The following RNF157 variants were observed in gnomAD, a reference collection of about 807,000 sequenced individuals.
RNF157 encodes ring finger protein 157, also known as E3 ubiquitin ligase RNF157.
Under a neutral mutation model 88.3 loss-of-function variants are expected in RNF157, and 55 were observed. The ratio of observed to expected loss-of-function variants is 0.62; its 90% CI spans 0.50 to 0.78. RNF157 has a LOEUF of 0.78. Ranked by LOEUF, RNF157 falls within the 30% of genes least tolerant of loss-of-function variation. The pLI, the probability that RNF157 is intolerant of heterozygous loss-of-function variation, is 0.00. For synonymous variants in RNF157, 334 were observed against 341.2 expected (o/e 0.98, Z 0.23); for missense variants, 788 against 860.8 (o/e 0.92, Z 1.06).
At chr17:76,226,445 T>C in intron 1 of RNF157, 1 of 1,600,948 alleles carries the variant, frequency 6.2e-7, no homozygotes. Context: ...GGCAAAGAGA[T>C]TACAAGTGTC....
chr17:76,211,366 T>C (rs1343752457), intron 2 of RNF157, among the ~76,000 whole-genome samples: 1 of 152,242 alleles, frequency 6.6e-6, no homozygotes, highest in African/African-American at 2.4e-5. Flanking sequence ...TGAAGCAACC[T>C]GCCCTTGCCA....
rs529521731 is a variant in RNF157 at position 76,144,321 on chromosome 17, C to T, written c.*914G>A. 1.4e-4 allele frequency: 21 copies of T among 149,498 alleles called. No homozygotes were observed. The highest frequency in any genetic ancestry group is 6.6e-4 in the Admixed American group (10 of 15,126). 9.3% of individuals were successfully genotyped at this position (149,498 alleles called of 1,614,324 possible). A position where few individuals can be genotyped will look rare whatever the true frequency, so the allele number is the denominator to read the frequency against. On this transcript the variant is annotated 3_prime_UTR_variant, in exon 19 of 19. Transcript: ENST00000269391. ...GGGGGATTCTCAGATTCAAGGGCTC[C>T]TTCTTTTTTTTTTTTTTTCTCTGTC...
chr17:76,228,632 A>C (rs1366803118), intron 1 of RNF157, among the ~76,000 whole-genome samples: 1 of 152,166 alleles, frequency 6.6e-6, no homozygotes, highest in Non-Finnish European at 1.5e-5. Context: ...CTTACTAACC[A>C]GTCACTTGGG....
rs145150447 is a variant in RNF157, at chr17:76,173,781, C to A, written c.217G>T (p.Ala73Ser). 540 of 1,608,510 alleles carry A rather than the reference C, an allele frequency of 3.4e-4. 1 individual carries two copies. The East Asian group carries it at 8.2e-3, about 24-fold the overall frequency. Residue 73 changes from alanine to serine, a missense_variant, in exon 3 of 19, where the codon GCC (alanine) becomes TCC (serine). By Grantham distance (99) the Ala-to-Ser change is moderately conservative. Coordinates refer to ENST00000269391, the MANE Select transcript of RNF157 (RefSeq NM_052916.3). Reference protein sequence around the residue: ...LGNRPVVFPYAAPPPQEPVKT... With the variant: ...LGNRPVVFPYSAPPPQEPVKT... The stretch of plus-strand genomic sequence containing the variant: ...ACGGGTTCTTGGGGAGGTGGGGCGG[C>A]GTAAGGAAACTGTGTCAGAAACAAA...
Position 76,159,403 on chromosome 17 carries a change from CG to C in RNF157, c.1235del (p.Thr412ArgfsTer64). On this transcript the variant is annotated frameshift_variant, in exon 12 of 19. Transcript: ENST00000269391. LOFTEE classifies it high-confidence loss of function. ...CAGACAGGCGGTCAAGAGGCGAGAT[CG>C]TCCTGACGGGGGGCAGGTGGCCATC... is the stretch of plus-strand genomic sequence containing the variant. Reference protein sequence around the residue: ...GSDGHLPPVRTISPLDRLSDS... With the variant: ...GSDGHLPPVRXISPLDRLSDS... The C allele has an allele frequency of 6.2e-7, 1 of 1,613,236 alleles. No homozygotes were observed. The highest frequency in any genetic ancestry group is 8.5e-7 in the Non-Finnish European group (1 of 1,179,758).
At chr17:76,150,913 G>T (rs971066184) in intron 18 of RNF157, among the ~76,000 whole-genome samples, 1 of 152,188 alleles carries the variant, frequency 6.6e-6, no homozygotes, top group Non-Finnish European at 1.5e-5. Flanking sequence ...GAGTGAACAC[G>T]AACTTTCATA....
chr17:76,191,521 G>A (rs2069384902), intron 2 of RNF157, among the ~76,000 whole-genome samples: 1 of 148,488 alleles, frequency 6.7e-6, no homozygotes, highest in Admixed American at 6.9e-5. Context: ...AGAATTGCTT[G>A]AACCCGGAGG....
chr17:76,178,777 C>G (rs2069144198), intron 2 of RNF157, among the ~76,000 whole-genome samples: 1 of 152,134 alleles, frequency 6.6e-6, no homozygotes, highest in South Asian at 2.1e-4. Context: ...GGTTGAAAAA[C>G]TTCTCTAAAG....
chr17:76,162,872 CAAT>C (rs773581352), intron 8 of RNF157: 2 of 374,504 alleles, frequency 5.3e-6, no homozygotes, highest in African/African-American at 2.1e-5. Flanking sequence ...TTCACAAATA[CAAT>C]AATAATACTT....
intron 2 of RNF157, among the ~76,000 whole-genome samples, chr17:76,174,577 T>C (rs1418638673): frequency 2.0e-5 from 3 of 152,252 alleles, no homozygotes; most frequent in Non-Finnish European, 4.4e-5. Flanking sequence ...TCAAAATGTT[T>C]TAACATATAA....
intron 16 of RNF157, chr17:76,154,576 G>A: frequency 2.2e-6 from 1 of 458,778 alleles, no homozygotes; most frequent in Non-Finnish European, 3.9e-6. Flanking sequence ...GGTCTGTCAG[G>A]AACACCCTTG....
chr17:76,224,249 T>C (rs2070038652), intron 1 of RNF157, among the ~76,000 whole-genome samples: 2 of 152,344 alleles, frequency 1.3e-5, no homozygotes, highest in Non-Finnish European at 2.9e-5. Context: ...TTTTGGGACA[T>C]ATTCCTAATA....
At chr17:76,147,417 C>T in intron 18 of RNF157, 1 of 848,500 alleles carries the variant, frequency 1.2e-6, no homozygotes, top group Non-Finnish European at 1.4e-6. Flanking sequence ...CCGCCACCAC[C>T]AGCAAGCCAT....
At chr17:76,182,438 A>G (rs988179445) in intron 2 of RNF157, among the ~76,000 whole-genome samples, 2 of 143,184 alleles carry the variant, frequency 1.4e-5, no homozygotes, top group African/African-American at 5.4e-5. Context: ...ACATGGGCAC[A>G]CACGCATTTA....
intron 2 of RNF157, among the ~76,000 whole-genome samples, chr17:76,203,054 G>C (rs2069613532): frequency 6.6e-6 from 1 of 151,620 alleles, no homozygotes; most frequent in African/African-American, 2.4e-5. Flanking sequence ...GCAGTGGCAT[G>C]ATCTCCGCTC....
intron 1 of RNF157, among the ~76,000 whole-genome samples, chr17:76,222,542 C>T (rs927014589): frequency 3.3e-5 from 5 of 152,138 alleles, no homozygotes; most frequent in Non-Finnish European, 5.9e-5. Flanking sequence ...TTTATTTTAA[C>T]TTCCAAGCAT....
At chr17:76,220,108 C>T (rs569151086) in intron 1 of RNF157, among the ~76,000 whole-genome samples, 1 of 152,126 alleles carries the variant, frequency 6.6e-6, no homozygotes, top group East Asian at 1.9e-4. Context: ...CGCTAGCATC[C>T]AGCCTGTAAG....
intron 2 of RNF157, among the ~76,000 whole-genome samples, chr17:76,190,712 G>A (rs2069370881): frequency 1.3e-5 from 2 of 151,022 alleles, no homozygotes; most frequent in African/African-American, 4.9e-5. Context: ...GAGGTCAGGA[G>A]ATCGAGACCA....
At chr17:76,166,412 C>A (rs1160408099) in intron 6 of RNF157, 49 bp downstream of exon 6, 1 of 1,490,978 alleles carries the variant, frequency 6.7e-7, no homozygotes, top group East Asian at 2.3e-5. Context: ...CAGGAATATG[C>A]CACAAAAGAG....
Sources: gnomAD v4.1 joint callset for allele counts (sites outside exome capture counted in the v4.1 genomes callset) on GRCh38, gnomAD v4.1.1 for gene constraint, MANE v1.5 for transcripts, NCBI Gene and HGNC (gene_info 2026-07-23, HGNC 2026-07-21) for gene names.